The following FGF13 variants were observed in gnomAD, a reference collection of about 807,000 sequenced individuals.
FGF13 encodes the protein fibroblast growth factor homologous factor 2.
In FGF13, 2 loss-of-function variants were observed where a neutral mutation model predicts 19.5. The ratio of observed to expected loss-of-function variants is 0.10; its 90% CI spans 0.04 to 0.32. The LOEUF (loss-of-function observed/expected upper bound fraction) is 0.32, where lower values mean the gene tolerates loss of function less well. Ranked by LOEUF, FGF13 falls within the 10% of genes least tolerant of loss-of-function variation. FGF13 has a pLI of 1.00. For synonymous variants in FGF13, 72 were observed against 76.9 expected (o/e 0.94, Z 0.33); for missense variants, 113 against 192.7 (o/e 0.59, Z 2.45).
chrX:139,032,901 C>T (rs1301970605), intron 1 of FGF13, among the ~76,000 whole-genome samples: 2 of 109,342 alleles, frequency 1.8e-5, no homozygotes, highest in South Asian at 8.0e-4. Flanking sequence ...GAAACAAGAA[C>T]TTCAATGGAC....
At chrX:138,944,140 T>C (rs1313066422) in intron 1 of FGF13, among the ~76,000 whole-genome samples, 2 of 111,308 alleles carry the variant, frequency 1.8e-5, no homozygotes, top group Admixed American at 9.6e-5. Flanking sequence ...AGAAAGAAGA[T>C]TGAGACTCAG....
At chrX:139,120,305 T>C (rs1176900777) in intron 1 of FGF13, among the ~76,000 whole-genome samples, 2 of 112,447 alleles carry the variant, frequency 1.8e-5, no homozygotes, top group Non-Finnish European at 3.8e-5. Flanking sequence ...TTTATGAACT[T>C]AAGCAATGTT....
chrX:138,645,311 CCA>C (rs2089294461), intron 3 of FGF13, among the ~76,000 whole-genome samples: 2 of 111,994 alleles, frequency 1.8e-5, no homozygotes, highest in Non-Finnish European at 1.9e-5. Flanking sequence ...ACCTTTTCAC[CCA>C]CAGAGTAGTC....
chrX:139,159,110 T>C (rs1032609226), intron 1 of FGF13, among the ~76,000 whole-genome samples: 1 of 112,183 alleles, frequency 8.9e-6, no homozygotes, highest in Non-Finnish European at 1.9e-5. Context: ...GGGAAGCCCA[T>C]CAGGCTAACA....
intron 1 of FGF13, among the ~76,000 whole-genome samples, chrX:138,997,000 G>A (rs2092046180): frequency 8.9e-6 from 1 of 112,270 alleles, no homozygotes; most frequent in Non-Finnish European, 1.9e-5. Context: ...AGCAATAGTT[G>A]CTGTTCTGCA....
chrX:138,760,459 G>A (rs374499747), intron 3 of FGF13, among the ~76,000 whole-genome samples: 9 of 111,926 alleles, frequency 8.0e-5, no homozygotes, highest in African/African-American at 2.3e-4. Flanking sequence ...AGCCTGCCTC[G>A]GTGTTAGCCC....
chrX:138,922,813 A>C (rs2091653585), intron 1 of FGF13, among the ~76,000 whole-genome samples: 1 of 112,055 alleles, frequency 8.9e-6, no homozygotes. Flanking sequence ...ATGGTACTAG[A>C]AACATTTCTT....
chrX:138,952,496 C>G (rs2091818704), intron 1 of FGF13, among the ~76,000 whole-genome samples: 1 of 111,786 alleles, frequency 8.9e-6, no homozygotes, highest in Non-Finnish European at 1.9e-5. Flanking sequence ...CTAGGCAATA[C>G]CATTCAGGAC....
At position 138,626,114 on chromosome X, in the gene FGF13, G is replaced by A. The variant is rs1340662979; in HGVS notation, c.*6736C>T. 1 of 111,980 alleles carries A rather than the reference G, an allele frequency of 8.9e-6. No homozygotes were observed. Among genetic ancestry groups the A allele is most frequent in the East Asian group, 2.8e-4 (1 of 3,539 alleles). The allele number at this position is 111,980 out of a possible 1,213,427, so 9.2% of individuals were successfully genotyped here. On this transcript the variant is annotated 3_prime_UTR_variant, in exon 5 of 5. Coordinates refer to ENST00000315930, the MANE Select transcript of FGF13 (RefSeq NM_004114.5). ...ATTAGGTTTCTACAAAACATGTAGA[G>A]CAACTCCATTTCAGAGATGCTCAAA...
At chrX:139,002,577 C>G (rs1180580773) in intron 1 of FGF13, among the ~76,000 whole-genome samples, 1 of 110,633 alleles carries the variant, frequency 9.0e-6, no homozygotes, top group African/African-American at 3.3e-5. Flanking sequence ...ACTTGTCCCC[C>G]AACCCCAAGC....
chrX:138,862,741 G>A (rs1269499961), intron 2 of FGF13, among the ~76,000 whole-genome samples: 1 of 112,127 alleles, frequency 8.9e-6, no homozygotes, highest in Non-Finnish European at 1.9e-5. Flanking sequence ...AGTAACTTAA[G>A]TAAATAATTC....
rs763886230 is a variant in FGF13, at chrX:139,110,409, G to A, written c.-113+93007C>T. ...CCGGTGGAAGATAATTGAATCACGG[G>A]GGCGGTTTCCCCTCATACTGCTCTT... On this transcript the variant is annotated intron_variant, in intron 1 of 2. Transcript: ENST00000421460. Among the ~76,000 whole-genome samples the A allele has an allele frequency of 3.2e-3, 347 of 109,763 alleles. 3 individuals carry two copies. Among genetic ancestry groups the A allele is most frequent in the African/African-American group, 0.011 (320 of 30,144 alleles).
At chrX:138,731,918 T>C (rs1007317524) in intron 1 of FGF13, among the ~76,000 whole-genome samples, 2 of 111,257 alleles carry the variant, frequency 1.8e-5, no homozygotes, top group East Asian at 5.6e-4. Context: ...AAAATAAAGA[T>C]TGGCAAAAGA....
At chrX:138,905,536 A>C (rs1489043593) in intron 1 of FGF13, among the ~76,000 whole-genome samples, 2 of 112,012 alleles carry the variant, frequency 1.8e-5, no homozygotes, top group Admixed American at 1.9e-4. Context: ...ATGCACGTAT[A>C]AATGAATATG....
At chrX:138,687,473 A>C (rs1473849648) in intron 3 of FGF13, among the ~76,000 whole-genome samples, 1 of 112,110 alleles carries the variant, frequency 8.9e-6, no homozygotes, top group Admixed American at 9.5e-5. Context: ...CTCTGTTAAA[A>C]TGGCTAATAT....
In FGF13 at chrX:138,959,746, T is replaced by C. The variant is rs763986875; in HGVS notation, c.-112-95096A>G. Among the ~76,000 whole-genome samples the C allele has an allele frequency of 5.4e-5, 6 of 112,141 alleles. No homozygotes were observed. The South Asian group carries it at 2.2e-3, about 42-fold the overall frequency. On this transcript the variant is annotated intron_variant, in intron 1 of 2. Transcript: ENST00000421460. ...TATATTTAGGATAGTTAGCTCTTCT[T>C]GTTGAATTGATCCCTTTACTATTAT... is the stretch of plus-strand genomic sequence containing the variant.
chrX:138,798,268 G>A (rs1421694785), intron 3 of FGF13, among the ~76,000 whole-genome samples: 1 of 111,662 alleles, frequency 9.0e-6, no homozygotes, highest in Non-Finnish European at 1.9e-5. Flanking sequence ...GTTTTAGCAT[G>A]AAGGGGTGCT....
In FGF13 at chrX:138,628,662, T is replaced by C. The variant is rs1414920517; in HGVS notation, c.*4188A>G. 8.9e-6 allele frequency: 1 copy of C among 112,449 alleles called. No individual in the cohort carries two copies. The highest frequency in any genetic ancestry group is 1.9e-5 in the Non-Finnish European group (1 of 53,328). 9.3% of individuals were successfully genotyped at this position (112,449 alleles called of 1,213,427 possible). On this transcript the variant is annotated 3_prime_UTR_variant, in exon 5 of 5. Transcript: ENST00000315930. Reference sequence around the variant, plus strand: ...CCACAGCATAGTTATGGTCAGCTGATGTAGATGAAGAGATATTCATTTTCC... The same window carrying C: ...CCACAGCATAGTTATGGTCAGCTGACGTAGATGAAGAGATATTCATTTTCC...
At chrX:139,155,578 C>T (rs1164866361) in intron 1 of FGF13, among the ~76,000 whole-genome samples, 3 of 112,240 alleles carry the variant, frequency 2.7e-5, no homozygotes, top group African/African-American at 9.7e-5. Context: ...GACACTGCAG[C>T]TAACCGTGGA....
Sources: allele counts gnomAD v4.1 joint callset (sites outside exome capture counted in the v4.1 genomes callset), GRCh38; gene constraint gnomAD v4.1.1; transcripts MANE v1.5; gene names NCBI Gene and HGNC (gene_info 2026-07-23, HGNC 2026-07-21).